MALL: variants seen among roughly 807,000 people sequenced by gnomAD.
MALL encodes the protein MAL-like protein.
MALL carries 2 observed loss-of-function variants against 10.3 expected under a neutral mutation model. The ratio of observed to expected loss-of-function variants is 0.19; its 90% CI spans 0.08 to 0.61. The LOEUF is 0.61. Among genes scored for constraint, MALL ranks in the 20% least tolerant of loss-of-function variants. The probability of loss-of-function intolerance (pLI) is 0.88; values close to 1 mark genes in which losing one functional copy is unlikely to be tolerated. For synonymous variants in MALL, 27 were observed against 51.8 expected (o/e 0.52, Z 2.05); for missense variants, 39 against 115.2 (o/e 0.34, Z 3.03).
At chr2:110,113,582 TA>T (rs1175002904) in intron 1 of MALL, among the ~76,000 whole-genome samples, 1 of 146,528 alleles carries the variant, frequency 6.8e-6, no homozygotes, top group Non-Finnish European at 1.5e-5. Context: ...TATGGAAAAA[TA>T]AATTTTTCAA....
At chr2:110,108,177 C>T (rs1005060420) in intron 1 of MALL, among the ~76,000 whole-genome samples, 2 of 151,934 alleles carry the variant, frequency 1.3e-5, no homozygotes, top group African/African-American at 4.8e-5. Flanking sequence ...GGATCCAAAC[C>T]AAGAAGAAAT....
At chr2:110,105,448 C>A (rs1000724127) in intron 1 of MALL, among the ~76,000 whole-genome samples, 1 of 152,150 alleles carries the variant, frequency 6.6e-6, no homozygotes, top group African/African-American at 2.4e-5. Context: ...CATGGTCCCA[C>A]GGGCACAGAG....
chr2:110,102,730 C>G (rs1360836671), intron 1 of MALL, among the ~76,000 whole-genome samples: 2 of 152,104 alleles, frequency 1.3e-5, no homozygotes, highest in African/African-American at 4.8e-5. Context: ...CCTCCCAGGC[C>G]CCAGAAATTC....
chr2:110,104,418 A>G (rs1678642529), intron 1 of MALL, among the ~76,000 whole-genome samples: 1 of 152,098 alleles, frequency 6.6e-6, no homozygotes, highest in African/African-American at 2.4e-5. Context: ...CACCGCCCTC[A>G]TTACGCATCA....
chr2:110,097,022 T>C (rs1318720745), intron 1 of MALL, among the ~76,000 whole-genome samples: 1 of 148,714 alleles, frequency 6.7e-6, no homozygotes, highest in African/African-American at 2.5e-5. Context: ...GACCCCTTTA[T>C]CCAGAGGGGA....
rs182061951 is a variant in MALL, at chr2:110,098,868, G to A, written c.106-7098C>T. ...AATACAAACATTAGCCAGACACGGT[G>A]GCACATGCCTGTAGTCTCAGCTACT... On this transcript the variant is annotated intron_variant, in intron 1 of 3. Coordinates refer to ENST00000272462, the MANE Select transcript of MALL (RefSeq NM_005434.5). 1.9e-3 allele frequency among the ~76,000 whole-genome samples: 295 copies of A among 152,224 alleles called. 1 individual carries two copies. Among genetic ancestry groups the A allele is most frequent in the Non-Finnish European group, 3.0e-3 (205 of 68,018 alleles).
intron 1 of MALL, among the ~76,000 whole-genome samples, chr2:110,112,077 C>A (rs553575626): frequency 6.1e-4 from 93 of 152,156 alleles, no homozygotes; most frequent in Non-Finnish European, 1.0e-3. Context: ...TATACAAAAA[C>A]CAACTCAAGA....
chr2:110,105,667 A>C (rs1574034975), intron 1 of MALL, among the ~76,000 whole-genome samples: 1 of 152,198 alleles, frequency 6.6e-6, no homozygotes, highest in South Asian at 2.1e-4. Flanking sequence ...GAGAACTGAC[A>C]GGGGAGCAGA....
At chr2:110,103,855 G>C (rs1469752666) in intron 1 of MALL, among the ~76,000 whole-genome samples, 1 of 152,176 alleles carries the variant, frequency 6.6e-6, no homozygotes, top group Non-Finnish European at 1.5e-5. Context: ...AGTTCAGACA[G>C]GGGCCGGAGT....
At chr2:110,113,876 TCTA>T (rs1291500241) in intron 1 of MALL, among the ~76,000 whole-genome samples, 6 of 152,312 alleles carry the variant, frequency 3.9e-5, no homozygotes, top group African/African-American at 1.4e-4. Context: ...CAGAACTTTC[TCTA>T]CTATTATTGC....
chr2:110,105,853 A>G (rs1678676319), intron 1 of MALL, among the ~76,000 whole-genome samples: 1 of 152,170 alleles, frequency 6.6e-6, no homozygotes, highest in African/African-American at 2.4e-5. Flanking sequence ...GCTCCCGGGA[A>G]GCCCCTGGCT....
At chr2:110,109,126 A>G (rs1009650515) in intron 1 of MALL, among the ~76,000 whole-genome samples, 1 of 152,200 alleles carries the variant, frequency 6.6e-6, no homozygotes, top group Non-Finnish European at 1.5e-5. Context: ...TAAAACAAAA[A>G]TACAAATTAA....
intron 1 of MALL, among the ~76,000 whole-genome samples, chr2:110,114,791 G>A (rs1424572069): frequency 3.3e-5 from 5 of 151,706 alleles, no homozygotes; most frequent in African/African-American, 7.3e-5. Flanking sequence ...CCAAATTCAG[G>A]GCAGGTAAGA....
chr2:110,114,930 A>G (rs11902091), intron 1 of MALL, among the ~76,000 whole-genome samples: 12,274 of 151,968 alleles, frequency 0.081, 1,602 homozygotes, highest in African/African-American at 0.28. Context: ...GTTCCGAGGG[A>G]ACTTGTGCAG....
intron 1 of MALL, among the ~76,000 whole-genome samples, chr2:110,105,725 G>A (rs1323313611): frequency 6.6e-6 from 1 of 152,214 alleles, no homozygotes; most frequent in East Asian, 1.9e-4. Flanking sequence ...CAACTTCTAA[G>A]GCACAGTTGG....
upstream of MALL, chr2:110,115,845 C>T (rs895572574): frequency 7.0e-5 from 48 of 688,284 alleles, no homozygotes; most frequent in Middle Eastern, 1.3e-3. Flanking sequence ...CGCAGCCTGT[C>T]AAATATCACC....
intron 1 of MALL, chr2:110,097,735 CA>C (rs1678477388): frequency 3.3e-6 from 1 of 302,188 alleles, no homozygotes. Flanking sequence ...GGAGGAGTGC[CA>C]GGGGTGGGTA....
At chr2:110,097,396 A>T (rs1349667944) in intron 1 of MALL, 1 of 446,964 alleles carries the variant, frequency 2.2e-6, no homozygotes, top group African/African-American at 2.0e-5. Flanking sequence ...TAATATGTAA[A>T]TTTAAAAAGA....
chr2:110,115,199 AAC>A (rs1352285398), intron 1 of MALL, among the ~76,000 whole-genome samples: 1 of 152,206 alleles, frequency 6.6e-6, no homozygotes, highest in Non-Finnish European at 1.5e-5. Flanking sequence ...CTCAGAGGGA[AAC>A]ACAGTCTCCT....
Sources: gnomAD v4.1 joint callset for allele counts (sites outside exome capture counted in the v4.1 genomes callset) on GRCh38, gnomAD v4.1.1 for gene constraint, MANE v1.5 for transcripts, NCBI Gene and HGNC (gene_info 2026-07-23, HGNC 2026-07-21) for gene names.